The following SYNE2 variants were observed in gnomAD, a reference collection of about 807,000 sequenced individuals.
SYNE2 encodes spectrin repeat containing nuclear envelope protein 2, also known as nesprin-2.
In SYNE2, 431 loss-of-function variants were observed where a neutral mutation model predicts 856.3. The ratio of observed to expected loss-of-function variants is 0.50; its 90% CI spans 0.47 to 0.55. The LOEUF (loss-of-function observed/expected upper bound fraction) is 0.55. Among genes scored for constraint, SYNE2 ranks in the 20% least tolerant of loss-of-function variants. The pLI, the probability that SYNE2 is intolerant of heterozygous loss-of-function variation, is 0.00. For missense variants in SYNE2, 8,129 were observed against 8,023.2 expected, an observed-to-expected ratio of 1.01 and a Z score of -0.50; for synonymous variants, 2,923 against 2,872.3, an observed-to-expected ratio of 1.02 and a Z score of -0.56.
At chr14:64,063,486 C>T (rs1332267908) in intron 50 of SYNE2, among the ~76,000 whole-genome samples, 2 of 152,210 alleles carry the variant, frequency 1.3e-5, no homozygotes, top group Non-Finnish European at 2.9e-5. Flanking sequence ...TAAAGCATCA[C>T]CTCTCATGTG....
intron 1 of SYNE2, among the ~76,000 whole-genome samples, chr14:63,870,246 A>G (rs891290748): frequency 1.3e-5 from 2 of 151,872 alleles, no homozygotes; most frequent in Admixed American, 1.3e-4. Context: ...CACCCATAAA[A>G]GCCCTACTCA....
At chr14:64,106,260 G>T (rs1245818726) in intron 64 of SYNE2, among the ~76,000 whole-genome samples, 2 of 151,566 alleles carry the variant, frequency 1.3e-5, no homozygotes, top group South Asian at 4.2e-4. Context: ...ATTGGCTTTT[G>T]TAACTCTTCT....
At chr14:63,780,103 G>A (rs899145665) in intron 1 of SYNE2, among the ~76,000 whole-genome samples, 6 of 152,056 alleles carry the variant, frequency 3.9e-5, no homozygotes, top group African/African-American at 1.4e-4. Context: ...AATACAACTG[G>A]AAAATGAAAT....
chr14:64,219,508 G>A (rs762521537), intron 110 of SYNE2, 98 bp downstream of exon 110: 26 of 1,179,166 alleles, frequency 2.2e-5, no homozygotes, highest in South Asian at 9.0e-5. Flanking sequence ...TGGCATAGGC[G>A]CAGCTTGCAG....
chr14:64,204,993 C>T (rs1241138910), intron 100 of SYNE2, among the ~76,000 whole-genome samples: 1 of 152,120 alleles, frequency 6.6e-6, no homozygotes, highest in Non-Finnish European at 1.5e-5. Context: ...CCTTCAACGC[C>T]GTCAACATTG....
At chr14:64,012,919 T>C (rs1249797272) in intron 32 of SYNE2, among the ~76,000 whole-genome samples, 2 of 152,248 alleles carry the variant, frequency 1.3e-5, no homozygotes, top group Non-Finnish European at 2.9e-5. Context: ...TGGAATATGA[T>C]ACCACTGAGA....
At chr14:64,181,114 A>C (rs1195495202) in intron 96 of SYNE2, among the ~76,000 whole-genome samples, 1 of 148,190 alleles carries the variant, frequency 6.7e-6, no homozygotes, top group Admixed American at 6.7e-5. Context: ...TTTTTTTCCT[A>C]TTTTTCCTAC....
chr14:63,781,506 A>ACGGG (rs1218364893), intron 1 of SYNE2, among the ~76,000 whole-genome samples: 1 of 150,264 alleles, frequency 6.7e-6, no homozygotes, highest in Non-Finnish European at 1.5e-5. Flanking sequence ...TTTCTTGGAG[A>ACGGG]CGGAGTCTCG....
rs983441566 is a variant in SYNE2 at position 64,126,724 on chromosome 14, G to T, written c.13834G>T (p.Val4612Phe). The T allele has an allele frequency of 1.1e-5, 17 of 1,614,080 alleles. No homozygotes were observed. Among genetic ancestry groups the T allele is most frequent in the Non-Finnish European group, 1.3e-5 (15 of 1,180,042 alleles). The change falls in exon 73 of 116, where the codon GTC becomes TTC. Residue 4612 changes from valine to phenylalanine, a missense_variant. By Grantham distance (50) the Val-to-Phe change is conservative. Transcript: ENST00000555002. ...CCTTGAATGTTTTGACAACCTTCAA[G>T]TCTGCCTGGAGCACACTCAGGCTGC... ...LLLECFDNLQ[V>F]CLEHTQAAAV... is the part of the protein sequence containing the mutation.
rs1210440454 is a variant in SYNE2, at chr14:63,979,017, A to G, written c.1569+3A>G. ...AATTATTGCTGGAAGACTGGCATGTAAGCTTTTCAATTTTGTGTCTTAGGC... is the reference window on the plus strand; with the variant it reads ...AATTATTGCTGGAAGACTGGCATGTGAGCTTTTCAATTTTGTGTCTTAGGC... On this transcript the variant is annotated splice_donor_region_variant and intron_variant, in intron 14 of 115. Coordinates refer to ENST00000555002, the MANE Select transcript of SYNE2 (RefSeq NM_182914.3). The G allele has an allele frequency of 1.2e-6, 2 of 1,613,324 alleles. No individual in the cohort carries two copies. Among genetic ancestry groups the G allele is most frequent in the South Asian group, 1.1e-5 (1 of 91,050 alleles).
At chr14:63,821,761 A>G (rs1889226006) in intron 1 of SYNE2, among the ~76,000 whole-genome samples, 1 of 152,106 alleles carries the variant, frequency 6.6e-6, no homozygotes, top group Non-Finnish European at 1.5e-5. Flanking sequence ...TTGAAAAAAA[A>G]AAGAATAATG....
chr14:64,078,920 A>G (rs533348327), intron 55 of SYNE2, among the ~76,000 whole-genome samples: 1 of 152,166 alleles, frequency 6.6e-6, no homozygotes, highest in South Asian at 2.1e-4. Flanking sequence ...AAAAATACAA[A>G]TATTAGCTGG....
chr14:64,098,876 G>C (rs1286216204), intron 63 of SYNE2, 55 bp downstream of exon 63: 1 of 1,556,448 alleles, frequency 6.4e-7, no homozygotes. Flanking sequence ...TCTAAAAGAA[G>C]TCAATGAAAA....
chr14:64,002,940 A>C lies in SYNE2; in HGVS notation c.4007A>C (p.Lys1336Thr). 6.2e-7 allele frequency: 1 copy of C among 1,614,220 alleles called. No individual in the cohort carries two copies. Among genetic ancestry groups the C allele is most frequent in the Middle Eastern group, 1.6e-4 (1 of 6,062 alleles). Reference protein sequence around the residue: ...EDFLASLRTAKLSAEPVTDLS... With the variant: ...EDFLASLRTATLSAEPVTDLS... ...TTTTTGGCGTCTCTCAGAACAGCTA[A>C]ACTCTCTGCTGAGCCCGTTACAGAC... is the stretch of plus-strand genomic sequence containing the variant. The change falls in exon 30 of 116, where the codon AAA (lysine) becomes ACA (threonine). Residue 1336 changes from lysine (K) to threonine (T), a missense_variant. By Grantham distance (78) the Lys-to-Thr change is moderately conservative. Transcript: ENST00000555002.
At chr14:63,867,987 C>A (rs994755858) in intron 1 of SYNE2, among the ~76,000 whole-genome samples, 2 of 151,800 alleles carry the variant, frequency 1.3e-5, no homozygotes, top group African/African-American at 4.8e-5. Flanking sequence ...GAGTTTGAGG[C>A]TGCAGTAAGC....
chr14:64,049,766 G>A lies in SYNE2; in HGVS notation c.7533G>A (p.Leu2511=). ...LDNLLQALIT[L]KKNKESQYCV... is the part of the protein sequence containing the mutation. ...ATTTGCTTCAGGCACTTATTACTTTGAAGAAAAACAAAGAAAGCCAATATT... is the reference window on the plus strand; with the variant it reads ...ATTTGCTTCAGGCACTTATTACTTTAAAGAAAAACAAAGAAAGCCAATATT... The change falls in exon 47 of 116, where the codon TTG becomes TTA. Residue 2511 remains leucine (L), a synonymous_variant. Coordinates refer to ENST00000555002, the MANE Select transcript of SYNE2 (RefSeq NM_182914.3). 6.2e-7 allele frequency: 1 copy of A among 1,614,092 alleles called. No homozygotes were observed. The highest frequency in any genetic ancestry group is 1.1e-5 in the South Asian group (1 of 91,064).
chr14:63,825,734 G>T (rs1166560249), intron 1 of SYNE2, among the ~76,000 whole-genome samples: 29 of 152,070 alleles, frequency 1.9e-4, no homozygotes, highest in Admixed American at 1.9e-3. Flanking sequence ...AATTAGCTGG[G>T]AATGGTGGCG....
intron 2 of SYNE2, among the ~76,000 whole-genome samples, chr14:63,911,047 T>A (rs1298212778): frequency 6.6e-6 from 1 of 152,186 alleles, no homozygotes; most frequent in Non-Finnish European, 1.5e-5. Context: ...CTTGGCGTGG[T>A]TCAGGCTTTT....
chr14:64,026,626 C>G lies in SYNE2; in HGVS notation c.6300C>G (p.Ile2100Met). The G allele has an allele frequency of 6.2e-7, 1 of 1,613,748 alleles. No homozygotes were observed. Among genetic ancestry groups the G allele is most frequent in the South Asian group, 1.1e-5 (1 of 91,034 alleles). The change falls in exon 42 of 116, where the codon ATC becomes ATG. Residue 2100 changes from isoleucine to methionine, a missense_variant. Physicochemically the swap from Ile to Met is conservative, Grantham distance 10. Around this residue, in one of 3 missense-constraint regions of SYNE2, gnomAD observed 297 missense variants for 380.9 expected, o/e 0.78. Coordinates refer to ENST00000555002, the MANE Select transcript of SYNE2 (RefSeq NM_182914.3). ...AAGGGGATGCCAGAATAGAGACCAT[C>G]ATGAAGCAGGCTGAGAGCAGCGAGG... ...KPEGDARIET[I>M]MKQAESSEAP... is the part of the protein sequence containing the mutation.
Sources: gnomAD v4.1 joint callset for allele counts (sites outside exome capture counted in the v4.1 genomes callset) on GRCh38, gnomAD v4.1.1 for gene constraint, gnomAD v4.1.1 regional missense constraint, MANE v1.5 for transcripts, NCBI Gene and HGNC (gene_info 2026-07-23, HGNC 2026-07-21) for gene names.